Variants in SLC25A26 observed in about 807,000 individuals in gnomAD.
The protein encoded by SLC25A26 is solute carrier family 25 member 26.
In SLC25A26, 36 loss-of-function variants were observed where a neutral mutation model predicts 37.8. That is an observed-to-expected ratio of 0.95 (90% CI 0.73 to 1.26). The LOEUF (loss-of-function observed/expected upper bound fraction) is 1.26, where lower values mean the gene tolerates loss of function less well. Among genes scored for constraint, SLC25A26 ranks in the 50% most tolerant of loss-of-function variants. The probability of loss-of-function intolerance (pLI) is 0.00; values close to 1 mark genes in which losing one functional copy is unlikely to be tolerated. For missense variants in SLC25A26, 390 were observed against 331.1 expected (o/e 1.18, Z -1.38); for synonymous variants, 129 against 122.5 (o/e 1.05, Z -0.35).
intron 1 of SLC25A26, among the ~76,000 whole-genome samples, chr3:66,166,812 T>C (rs1041459564): frequency 8.5e-5 from 13 of 152,164 alleles, no homozygotes; most frequent in African/African-American, 2.4e-4. Context: ...AATGATGATA[T>C]AGTTTGGCTC....
At chr3:66,135,880 A>T (rs567739406) in intron 1 of SLC25A26, among the ~76,000 whole-genome samples, 73 of 152,374 alleles carry the variant, frequency 4.8e-4, no homozygotes, top group African/African-American at 1.7e-3. Flanking sequence ...TGGAATATTC[A>T]CATTGGATAT....
intron 1 of SLC25A26, among the ~76,000 whole-genome samples, chr3:66,156,896 A>G (rs1322696191): frequency 6.6e-6 from 1 of 152,102 alleles, no homozygotes; most frequent in African/African-American, 2.4e-5. Flanking sequence ...GCTTCCATGG[A>G]AAGGATGCAA....
intron 6 of SLC25A26, among the ~76,000 whole-genome samples, chr3:66,357,739 C>T (rs964860417): frequency 3.3e-5 from 5 of 151,890 alleles, no homozygotes; most frequent in African/African-American, 9.7e-5. Flanking sequence ...TTTGTAAACC[C>T]ACATTATTTA....
At chr3:66,353,937 T>C (rs753544733) in intron 6 of SLC25A26, among the ~76,000 whole-genome samples, 1 of 152,258 alleles carries the variant, frequency 6.6e-6, no homozygotes, top group Non-Finnish European at 1.5e-5. Flanking sequence ...TTTATGTAAC[T>C]ATTTGCTAAT....
intron 2 of SLC25A26, among the ~76,000 whole-genome samples, chr3:66,242,849 A>G (rs536997030): frequency 4.6e-5 from 7 of 152,366 alleles, no homozygotes; most frequent in African/African-American, 1.7e-4. Flanking sequence ...TGATTGTTTT[A>G]TGGCCATCCA....
At chr3:66,348,915 C>A (rs1411858291) in intron 6 of SLC25A26, among the ~76,000 whole-genome samples, 1 of 152,148 alleles carries the variant, frequency 6.6e-6, no homozygotes, top group African/African-American at 2.4e-5. Flanking sequence ...AACAGCTCTC[C>A]TTTTTAGTGT....
intron 5 of SLC25A26, among the ~76,000 whole-genome samples, chr3:66,280,181 A>C (rs542757006): frequency 6.6e-6 from 1 of 152,172 alleles, no homozygotes; most frequent in Admixed American, 6.5e-5. Context: ...GAAGACACCA[A>C]AGGTCTGGTA....
intron 1 of SLC25A26, among the ~76,000 whole-genome samples, chr3:66,186,929 A>C (rs2070839883): frequency 6.6e-6 from 1 of 151,398 alleles, no homozygotes; most frequent in Non-Finnish European, 1.5e-5. Flanking sequence ...CCTGATCCTC[A>C]CCCTCTACTT....
chr3:66,255,099 T>TC (rs2107225598), intron 3 of SLC25A26, among the ~76,000 whole-genome samples: 1 of 152,332 alleles, frequency 6.6e-6, no homozygotes, highest in East Asian at 1.9e-4. Context: ...TGGAATTTTT[T>TC]CCCTTTCAAA....
intron 5 of SLC25A26, among the ~76,000 whole-genome samples, chr3:66,288,803 T>G (rs2074602916): frequency 6.6e-6 from 1 of 152,238 alleles, no homozygotes. Flanking sequence ...GCATGTGTCT[T>G]TATAGTAGAA....
intron 5 of SLC25A26, among the ~76,000 whole-genome samples, chr3:66,329,207 A>T (rs1219495081): frequency 6.6e-6 from 1 of 152,034 alleles, no homozygotes; most frequent in East Asian, 1.9e-4. Flanking sequence ...TCTGCAAAAG[A>T]TTTTCCATTT....
At position 66,198,045 on chromosome 3, in the gene SLC25A26, C is replaced by T. The variant is rs928979398; in HGVS notation, c.-353-22697C>T. Reference sequence around the variant, plus strand: ...GTGTCAGCTTGATAGTCAGGGTCAGCGTCAGGCTGACGGTCAAGGTCAGCC... The same window carrying T: ...GTGTCAGCTTGATAGTCAGGGTCAGTGTCAGGCTGACGGTCAAGGTCAGCC... On this transcript the variant is annotated intron_variant, in intron 1 of 10. Coordinates refer to the SLC25A26 transcript ENST00000676754. Among the ~76,000 whole-genome samples, 82 of 151,778 alleles carry T rather than the reference C, an allele frequency of 5.4e-4. 3 individuals carry two copies. The highest frequency in any genetic ancestry group is 1.8e-3 in the African/African-American group (74 of 41,362).
At chr3:66,350,802 C>T (rs1328776386) in intron 6 of SLC25A26, among the ~76,000 whole-genome samples, 2 of 152,034 alleles carry the variant, frequency 1.3e-5, no homozygotes, top group Admixed American at 6.6e-5. Context: ...TAAATATGTT[C>T]TCCCCTTCTC....
At chr3:66,362,980 G>T (rs1185857653) in intron 7 of SLC25A26, 51 bp downstream of exon 7, 2 of 1,242,680 alleles carry the variant, frequency 1.6e-6, no homozygotes, top group African/African-American at 3.1e-5. Context: ...GGAAAAATGT[G>T]AAAATATTAA....
At position 66,288,490 on chromosome 3, in the gene SLC25A26, C is replaced by T. The variant is rs777847572; in HGVS notation, c.453+25111C>T. On this transcript the variant is annotated intron_variant, in intron 5 of 9. Coordinates refer to ENST00000354883, the MANE Select transcript of SLC25A26 (RefSeq NM_001379210.1). ...CCTCCTGTAGCCATCCCCTACCCCTCGACAGGCCCCAGTGTGTGATGTTCC... is the reference window on the plus strand; with the variant it reads ...CCTCCTGTAGCCATCCCCTACCCCTTGACAGGCCCCAGTGTGTGATGTTCC... Among the ~76,000 whole-genome samples the T allele has an allele frequency of 1.3e-3, 199 of 152,122 alleles. 7 individuals are homozygous for T. Among genetic ancestry groups the T allele is most frequent in the Middle Eastern group, 3.4e-3 (1 of 294 alleles).
chr3:66,191,774 C>G (rs1400759155), intron 1 of SLC25A26, among the ~76,000 whole-genome samples: 1 of 151,956 alleles, frequency 6.6e-6, no homozygotes, highest in Non-Finnish European at 1.5e-5. Flanking sequence ...GCCTGTAATC[C>G]TAGCTACTTG....
intron 3 of SLC25A26, among the ~76,000 whole-genome samples, chr3:66,245,169 A>C (rs987477921): frequency 1.3e-5 from 2 of 151,600 alleles, no homozygotes; most frequent in Admixed American, 6.6e-5. Flanking sequence ...CAGCCTCCCA[A>C]AGTACTGGGA....
chr3:66,254,495 G>A (rs951657443), intron 3 of SLC25A26, among the ~76,000 whole-genome samples: 4 of 152,190 alleles, frequency 2.6e-5, no homozygotes, highest in Non-Finnish European at 4.4e-5. Flanking sequence ...CTTTGAATAC[G>A]ATGAAGCTTT....
At chr3:66,238,197 C>T (rs1397055694) in intron 2 of SLC25A26, among the ~76,000 whole-genome samples, 2 of 152,092 alleles carry the variant, frequency 1.3e-5, no homozygotes, top group East Asian at 1.9e-4. Context: ...AGTTGACCCT[C>T]GAACAATTTG....
Sources: gnomAD v4.1 joint callset for allele counts (sites outside exome capture counted in the v4.1 genomes callset) on GRCh38, gnomAD v4.1.1 for gene constraint, MANE v1.5 for transcripts, NCBI Gene and HGNC (gene_info 2026-07-23, HGNC 2026-07-21) for gene names.